Variants in PCNX2 observed in about 807,000 individuals in gnomAD.
PCNX2 encodes the protein pecanex 2, also known as pecanex-like protein 2.
Under a neutral mutation model 223.8 loss-of-function variants are expected in PCNX2, and 168 were observed. The ratio of observed to expected loss-of-function variants is 0.75; its 90% confidence interval spans 0.66 to 0.85. The LOEUF is 0.85. Among genes scored for constraint, PCNX2 ranks in the 40% least tolerant of loss-of-function variants. PCNX2 has a pLI of 0.00. For synonymous variants in PCNX2, 1,006 were observed against 1,052.6 expected (o/e 0.96, Z 0.86); for missense variants, 2,507 against 2,675.5 (o/e 0.94, Z 1.39).
chr1:233,067,738 G>C (rs1033837948), intron 23 of PCNX2, among the ~76,000 whole-genome samples: 2 of 152,134 alleles, frequency 1.3e-5, no homozygotes, highest in Non-Finnish European at 2.9e-5. Flanking sequence ...CTCCCAAAGT[G>C]CTGGGATTAC....
At chr1:233,071,731 C>A (rs1665304337) in intron 23 of PCNX2, among the ~76,000 whole-genome samples, 1 of 152,156 alleles carries the variant, frequency 6.6e-6, no homozygotes, top group Non-Finnish European at 1.5e-5. Context: ...ACACTGATTT[C>A]CATATGGTTG....
chr1:233,194,790 G>A (rs779960398), intron 15 of PCNX2, among the ~76,000 whole-genome samples: 10 of 152,108 alleles, frequency 6.6e-5, no homozygotes, highest in African/African-American at 2.4e-4. Flanking sequence ...GCCGAGGCAG[G>A]CGGATCACGA....
At position 233,227,243 on chromosome 1, in the gene PCNX2, C is replaced by T; in HGVS notation, c.2487G>A (p.Leu829=). ...TGGCTTACCGATCAAGTAATGCCAGCAAGGTCAGTCGATCATACCAGACTT... is the reference window on the plus strand; with the variant it reads ...TGGCTTACCGATCAAGTAATGCCAGTAAGGTCAGTCGATCATACCAGACTT... The part of the protein sequence containing the change: ...WIKVWYDRLT[L]LALLDRTEDI... The change falls in exon 10 of 34, where the codon TTG becomes TTA. Residue 829 remains leucine (L), a synonymous_variant. Coordinates refer to ENST00000258229, the MANE Select transcript of PCNX2 (RefSeq NM_014801.4). 6.2e-7 allele frequency: 1 copy of T among 1,612,460 alleles called. No individual in the cohort carries two copies. The highest frequency in any genetic ancestry group is 1.1e-5 in the South Asian group (1 of 90,796).
chr1:233,289,080 G>A, intron 1 of PCNX2: 1 of 1,047,346 alleles, frequency 9.5e-7, no homozygotes, highest in Admixed American at 1.7e-5. Flanking sequence ...GTGCACAGCT[G>A]TCAGAGTATG....
intron 21 of PCNX2, among the ~76,000 whole-genome samples, chr1:233,111,375 T>C (rs1322882024): frequency 6.6e-6 from 1 of 152,220 alleles, no homozygotes; most frequent in African/African-American, 2.4e-5. Flanking sequence ...ATTTTACTGG[T>C]TGCACTTATG....
In PCNX2 at chr1:233,054,391, AACGTCCAAGAACTAAGTCTCCACAGAGGG is replaced by A. The variant is rs756204056; in HGVS notation, c.4199_4227del (p.Ser1400LeufsTer16). The A allele has an allele frequency of 2.5e-6, 4 of 1,613,900 alleles. No individual in the cohort carries two copies. The highest frequency in any genetic ancestry group is 3.4e-6 in the Non-Finnish European group (4 of 1,179,826). ...CAATCGCCAGAGCTGTAGTTGCCCC[AACGTCCAAGAACTAAGTCTCCACAGAGGG>A]ACTCCTGGAGGGTCCTTGTCAAGTG... On this transcript the variant is annotated frameshift_variant, in exon 25 of 34. Transcript: ENST00000258229. LOFTEE classifies it high-confidence loss of function.
rs570890760 is a variant in PCNX2 at position 233,128,494 on chromosome 1, C to T, written c.3837+6519G>A. On this transcript the variant is annotated intron_variant, in intron 21 of 33. Coordinates refer to ENST00000258229, the MANE Select transcript of PCNX2 (RefSeq NM_014801.4). ...GGATTACAGGCATGTGGCACCACGC[C>T]CAACTAATTCTTGTATTTTCAGTAG... Among the ~76,000 whole-genome samples the T allele has an allele frequency of 2.0e-5, 3 of 152,152 alleles. No individual in the cohort carries two copies. The South Asian group carries it at 6.2e-4, about 32-fold the overall frequency.
chr1:233,095,894 G>A, intron 21 of PCNX2, 31 bp from the exon 22 acceptor site: 2 of 1,486,542 alleles, frequency 1.3e-6, no homozygotes, highest in Non-Finnish European at 1.9e-6. Flanking sequence ...ATTCATCAGA[G>A]AGGACAATGA....
rs78738182 is a variant in PCNX2 at position 233,019,391 on chromosome 1, G to T, written c.4606-2237C>A. On this transcript the variant is annotated intron_variant, in intron 26 of 33. Coordinates refer to ENST00000258229, the MANE Select transcript of PCNX2 (RefSeq NM_014801.4). ...CCCCACCATAACCATCCTGGCCTCA[G>T]GAAAGCCCTTCGATATAAGGAGGAA... 7.6e-4 allele frequency among the ~76,000 whole-genome samples: 116 copies of T among 152,252 alleles called. 2 individuals are homozygous for T. Among genetic ancestry groups the T allele is most frequent in the South Asian group, 5.8e-3 (28 of 4,820 alleles).
chr1:232,992,453 G>T (rs1427547740), intron 32 of PCNX2, among the ~76,000 whole-genome samples: 1 of 152,228 alleles, frequency 6.6e-6, no homozygotes, highest in African/African-American at 2.4e-5. Flanking sequence ...CAGCTGCACA[G>T]ATGGAGGGCA....
intron 21 of PCNX2, among the ~76,000 whole-genome samples, chr1:233,122,668 T>C (rs139670450): frequency 0.017 from 2,549 of 151,938 alleles, 29 homozygotes; most frequent in East Asian, 0.044. Flanking sequence ...GGATTACAGG[T>C]GGCCGCCACC....
At chr1:232,998,563 GCATGCTGGTGGGA>G in intron 31 of PCNX2, 125 bp from the exon 32 acceptor site, 3 of 934,330 alleles carry the variant, frequency 3.2e-6, no homozygotes, top group Non-Finnish European at 4.7e-6. Flanking sequence ...AGCCCACCTG[GCATGCTGGTGGGA>G]AGAGGGGCTG....
At chr1:233,023,005 C>T (rs963676687) in intron 26 of PCNX2, among the ~76,000 whole-genome samples, 4 of 152,100 alleles carry the variant, frequency 2.6e-5, no homozygotes, top group Non-Finnish European at 4.4e-5. Flanking sequence ...ATGAGTCTAG[C>T]CTAATTCTTG....
intron 23 of PCNX2, among the ~76,000 whole-genome samples, chr1:233,085,268 G>T (rs1394410487): frequency 6.6e-6 from 1 of 151,646 alleles, no homozygotes; most frequent in African/African-American, 2.4e-5. Flanking sequence ...GGGGGTGGAG[G>T]TTGCAGTGAG....
intron 5 of PCNX2, among the ~76,000 whole-genome samples, chr1:233,256,230 A>C (rs4649293): frequency 0.17 from 25,135 of 152,232 alleles, 2,373 homozygotes; most frequent in South Asian, 0.24. Context: ...TAAACTTTAC[A>C]TACAGCCTGA....
At chr1:233,192,679 A>G (rs771931657) in intron 15 of PCNX2, among the ~76,000 whole-genome samples, 30 of 152,164 alleles carry the variant, frequency 2.0e-4, no homozygotes, top group Non-Finnish European at 3.4e-4. Flanking sequence ...TAAGCAAGCA[A>G]TTATGAAGGT....
intron 19 of PCNX2, among the ~76,000 whole-genome samples, chr1:233,154,364 G>A (rs1381890036): frequency 6.6e-6 from 1 of 152,210 alleles, no homozygotes; most frequent in African/African-American, 2.4e-5. Flanking sequence ...ACAGGTGTGG[G>A]CCACCATGCC....
chr1:233,304,318 A>G, the PCNX2 span, among the ~76,000 whole-genome samples: 3 of 152,170 alleles, frequency 2.0e-5, no homozygotes, highest in African/African-American at 7.2e-5. Flanking sequence ...GATCTCACAG[A>G]ACACAACTGA....
chr1:233,072,651 G>T (rs1242136878), intron 23 of PCNX2, among the ~76,000 whole-genome samples: 2 of 152,076 alleles, frequency 1.3e-5, no homozygotes, highest in Admixed American at 1.3e-4. Context: ...CAATTGAAAT[G>T]GTCAAGTGTG....
Sources: gnomAD v4.1 joint callset for allele counts (sites outside exome capture counted in the v4.1 genomes callset) on GRCh38, gnomAD v4.1.1 for gene constraint, MANE v1.5 for transcripts, NCBI Gene and HGNC (gene_info 2026-07-23, HGNC 2026-07-21) for gene names.